GLIS3: variants seen among roughly 807,000 people sequenced by gnomAD.
The protein encoded by GLIS3 is GLIS family zinc finger 3.
GLIS3 carries 53 observed loss-of-function variants against 78.6 expected under a neutral mutation model. That is an observed-to-expected ratio of 0.67 (90% CI 0.54 to 0.85). GLIS3 has a LOEUF of 0.85. Among genes scored for constraint, GLIS3 ranks in the 40% least tolerant of loss-of-function variants. GLIS3 has a pLI of 0.00. For missense variants in GLIS3, 1,703 were observed against 1,231.1 expected (o/e 1.38, Z -5.74); for synonymous variants, 684 against 509.9 (o/e 1.34, Z -4.60).
intron 2 of GLIS3, among the ~76,000 whole-genome samples, chr9:4,340,709 G>A (rs375531986): frequency 3.3e-4 from 50 of 152,202 alleles, no homozygotes; most frequent in African/African-American, 1.0e-3. Context: ...TTTTTTTGGA[G>A]ACAGAGTCTC....
At chr9:4,024,091 T>C (rs1823108650) in intron 4 of GLIS3, among the ~76,000 whole-genome samples, 1 of 151,978 alleles carries the variant, frequency 6.6e-6, no homozygotes, top group South Asian at 2.1e-4. Flanking sequence ...CAGAGTTGTA[T>C]AGTGCTGCTT....
At chr9:4,272,667 G>A (rs1037597698) in intron 2 of GLIS3, among the ~76,000 whole-genome samples, 1 of 152,158 alleles carries the variant, frequency 6.6e-6, no homozygotes, top group Non-Finnish European at 1.5e-5. Context: ...CCAGAAACTT[G>A]TGTGTTTTAC....
At chr9:4,174,156 C>A (rs1816625953) in intron 2 of GLIS3, among the ~76,000 whole-genome samples, 2 of 151,954 alleles carry the variant, frequency 1.3e-5, no homozygotes, top group African/African-American at 4.8e-5. Flanking sequence ...TAGTTTGCCC[C>A]CAAAGAATAA....
chr9:4,030,796 G>A (rs1167728295), intron 4 of GLIS3, among the ~76,000 whole-genome samples: 1 of 152,140 alleles, frequency 6.6e-6, no homozygotes, highest in East Asian at 1.9e-4. Context: ...CCAGGATGAA[G>A]CCAGAAATGC....
intron 4 of GLIS3, among the ~76,000 whole-genome samples, chr9:4,017,455 T>C (rs765516225): frequency 5.3e-5 from 8 of 151,718 alleles, no homozygotes; most frequent in Non-Finnish European, 1.2e-4. Context: ...CACACACACA[T>C]GAGCGCGCGT....
chr9:4,387,574 T>C, the GLIS3 span, among the ~76,000 whole-genome samples: 2 of 152,188 alleles, frequency 1.3e-5, no homozygotes, highest in African/African-American at 4.8e-5. Context: ...ACTATGACTA[T>C]TGGGAGGATA....
chr9:4,181,511 G>A (rs1353919949), intron 2 of GLIS3, among the ~76,000 whole-genome samples: 2 of 152,184 alleles, frequency 1.3e-5, no homozygotes, highest in African/African-American at 4.8e-5. Context: ...TGTCCTTCTT[G>A]CTTGACCATC....
At chr9:4,094,605 T>TA (rs1348754087) in intron 4 of GLIS3, among the ~76,000 whole-genome samples, 1 of 152,214 alleles carries the variant, frequency 6.6e-6, no homozygotes, top group African/African-American at 2.4e-5. Context: ...ATGAAAGTCA[T>TA]AAAACCTGTA....
intron 1 of GLIS3, among the ~76,000 whole-genome samples, chr9:4,295,344 C>A (rs991920026): frequency 6.4e-4 from 97 of 152,134 alleles, no homozygotes; most frequent in African/African-American, 2.3e-3. Context: ...ACCAGACTGT[C>A]ATCAGAATAT....
chr9:4,197,681 C>G (rs1424501611), intron 2 of GLIS3, among the ~76,000 whole-genome samples: 6 of 152,182 alleles, frequency 3.9e-5, no homozygotes, highest in Admixed American at 6.5e-5. Context: ...GGAGCTCAGA[C>G]CACTATGTAC....
At chr9:4,340,921 C>T (rs1335130315) in intron 2 of GLIS3, among the ~76,000 whole-genome samples, 2 of 152,170 alleles carry the variant, frequency 1.3e-5, no homozygotes, top group African/African-American at 4.8e-5. Context: ...GTCTCAAACA[C>T]CTGCCTCGGC....
chr9:3,912,235 G>C (rs1267649073), intron 6 of GLIS3, among the ~76,000 whole-genome samples: 1 of 152,170 alleles, frequency 6.6e-6, no homozygotes, highest in Non-Finnish European at 1.5e-5. Context: ...TACGTTAAGA[G>C]TGAGACCTTT....
intron 3 of GLIS3, among the ~76,000 whole-genome samples, chr9:4,119,431 GTTTCAC>G (rs1462138200): frequency 3.3e-5 from 5 of 152,134 alleles, no homozygotes; most frequent in African/African-American, 1.2e-4. Context: ...TCACAATTTA[GTTTCAC>G]TGATATTAAG....
At chr9:4,357,045 G>T in the GLIS3 span, among the ~76,000 whole-genome samples, 1 of 152,196 alleles carries the variant, frequency 6.6e-6, no homozygotes, top group Non-Finnish European at 1.5e-5. Context: ...GAATATTAGT[G>T]AGTTTACTTA....
chr9:4,235,937 A>T (rs985243050), intron 2 of GLIS3, among the ~76,000 whole-genome samples: 2 of 152,148 alleles, frequency 1.3e-5, no homozygotes, highest in Non-Finnish European at 2.9e-5. Flanking sequence ...AGAAACAACG[A>T]TCACCTCTAA....
the GLIS3 span, among the ~76,000 whole-genome samples, chr9:4,410,175 C>A: frequency 6.7e-6 from 1 of 150,270 alleles, no homozygotes; most frequent in African/African-American, 2.5e-5. Flanking sequence ...CAGTGTTTTG[C>A]CATGTTGGCC....
At chr9:4,240,565 A>C (rs1823204949) in intron 2 of GLIS3, among the ~76,000 whole-genome samples, 1 of 152,240 alleles carries the variant, frequency 6.6e-6, no homozygotes, top group African/African-American at 2.4e-5. Context: ...GGAAGATTAC[A>C]AGGGGGTACT....
the GLIS3 span, among the ~76,000 whole-genome samples, chr9:4,466,207 G>A: frequency 6.6e-6 from 1 of 152,186 alleles, no homozygotes; most frequent in Non-Finnish European, 1.5e-5. Flanking sequence ...CAACTTAGAT[G>A]AAATAGACAA....
At chr9:4,169,411 G>A (rs1816171070) in intron 2 of GLIS3, among the ~76,000 whole-genome samples, 1 of 152,172 alleles carries the variant, frequency 6.6e-6, no homozygotes, top group African/African-American at 2.4e-5. Flanking sequence ...ATTTAATGAG[G>A]CAGAAAGAAC....
Sources: allele counts gnomAD v4.1 joint callset (sites outside exome capture counted in the v4.1 genomes callset), GRCh38; gene constraint gnomAD v4.1.1; transcripts MANE v1.5; gene names NCBI Gene and HGNC (gene_info 2026-07-23, HGNC 2026-07-21).